The following ERI3 variants were observed in gnomAD, a reference collection of about 807,000 sequenced individuals.
The protein encoded by ERI3 is ERI1 exoribonuclease 3.
ERI3 carries 18 observed loss-of-function variants against 44.4 expected under a neutral mutation model. The observed-to-expected ratio is 0.41, with a 90% CI of 0.28 to 0.60. The LOEUF (loss-of-function observed/expected upper bound fraction) is 0.60, where lower values mean the gene tolerates loss of function less well. ERI3 is among the 20% of genes least tolerant of loss of function. The pLI, the probability that ERI3 is intolerant of heterozygous loss-of-function variation, is 0.36. For synonymous variants in ERI3, 183 were observed against 164.8 expected, an observed-to-expected ratio of 1.11 and a Z score of -0.84; for missense variants, 294 against 435.5, an observed-to-expected ratio of 0.68 and a Z score of 2.89.
At position 44,269,620 on chromosome 1, in the gene ERI3, C is replaced by G. The variant is rs151295447; in HGVS notation, c.831+15215G>C. On this transcript the variant is annotated intron_variant, in intron 7 of 8. Coordinates refer to ENST00000372257, the MANE Select transcript of ERI3 (RefSeq NM_024066.3). The stretch of plus-strand genomic sequence containing the variant: ...CACAGTGGTGTCACTCTCAAGAGAC[C>G]TGGAGTACAAGGCCAATCCCTATCC... 2.2e-4 allele frequency among the ~76,000 whole-genome samples: 33 copies of G among 152,314 alleles called. No individual in the cohort carries two copies. In the East Asian group the frequency reaches 6.4e-3, roughly 29 times the overall value.
In ERI3 at chr1:44,255,015, C is replaced by T. The variant is rs183954946; in HGVS notation, c.832-6977G>A. Among the ~76,000 whole-genome samples the T allele has an allele frequency of 5.0e-4, 76 of 152,148 alleles. 1 individual carries two copies. Among genetic ancestry groups the T allele is most frequent in the African/African-American group, 1.8e-3 (74 of 41,480 alleles). On this transcript the variant is annotated intron_variant, in intron 7 of 8. Coordinates refer to ENST00000372257, the MANE Select transcript of ERI3 (RefSeq NM_024066.3). ...TAACTTCTCTGTGTCTTGGTTTCCT[C>T]TTTGTAAAATGGGGGTTATAATAGT...
chr1:44,307,645 C>T (rs1052495665), intron 6 of ERI3, among the ~76,000 whole-genome samples: 3 of 152,136 alleles, frequency 2.0e-5, no homozygotes, highest in Non-Finnish European at 4.4e-5. Context: ...ATAACCGGGA[C>T]AGGATCAGGA....
At chr1:44,238,461 T>G (rs879270153) in intron 8 of ERI3, among the ~76,000 whole-genome samples, 3 of 152,042 alleles carry the variant, frequency 2.0e-5, no homozygotes, top group African/African-American at 4.8e-5. Flanking sequence ...CCTAAACCAA[T>G]CACCGGCTCC....
At chr1:44,293,724 G>A (rs1018683699) in intron 6 of ERI3, among the ~76,000 whole-genome samples, 3 of 152,186 alleles carry the variant, frequency 2.0e-5, no homozygotes, top group Admixed American at 1.3e-4. Flanking sequence ...TCGAAACTAG[G>A]TCTCTTCATT....
chr1:44,223,503 G>A (rs992070180), intron 8 of ERI3, among the ~76,000 whole-genome samples: 4 of 152,076 alleles, frequency 2.6e-5, no homozygotes, highest in African/African-American at 9.7e-5. Context: ...AATCCTTCCT[G>A]TCTCCGGTAC....
At chr1:44,293,942 C>T (rs1386766155) in intron 6 of ERI3, among the ~76,000 whole-genome samples, 2 of 152,206 alleles carry the variant, frequency 1.3e-5, no homozygotes, top group Non-Finnish European at 2.9e-5. Context: ...CCCAGCCGGG[C>T]AGAGAAAGCC....
chr1:44,285,886 G>C (rs928001820), intron 6 of ERI3, among the ~76,000 whole-genome samples: 1 of 152,214 alleles, frequency 6.6e-6, no homozygotes. Flanking sequence ...ACAGGCAATG[G>C]AGAGCCTCTG....
intron 4 of ERI3, 116 bp downstream of exon 4, chr1:44,319,512 C>T (rs1646156790): frequency 1.4e-5 from 10 of 691,538 alleles, no homozygotes; most frequent in Non-Finnish European, 2.6e-5. Context: ...GTCTAGTGTG[C>T]ACTTGCCTTA....
chr1:44,261,944 G>C (rs190413094), intron 7 of ERI3, among the ~76,000 whole-genome samples: 18 of 152,260 alleles, frequency 1.2e-4, no homozygotes, highest in Admixed American at 1.0e-3. Flanking sequence ...CCCTTTTCCT[G>C]CTCTTTCAGC....
chr1:44,315,498 A>T (rs944335651), intron 4 of ERI3, among the ~76,000 whole-genome samples: 1 of 151,876 alleles, frequency 6.6e-6, no homozygotes, highest in African/African-American at 2.4e-5. Flanking sequence ...ACTAAACCCA[A>T]CTCTCCCACC....
At position 44,257,831 on chromosome 1, in the gene ERI3, G is replaced by A. The variant is rs185170440; in HGVS notation, c.832-9793C>T. The stretch of plus-strand genomic sequence containing the variant: ...ATAGCTGACCAAACCCAACTCCCTG[G>A]GGCCATTCCTCCCCAATCCTCTCGC... On this transcript the variant is annotated intron_variant, in intron 7 of 8. Transcript: ENST00000372257. 1.1e-4 allele frequency among the ~76,000 whole-genome samples: 17 copies of A among 152,184 alleles called. No homozygotes were observed. In the East Asian group the frequency reaches 3.1e-3, roughly 28 times the overall value.
In ERI3 at chr1:44,228,044, G is replaced by C. The variant is rs1644087306; in HGVS notation, c.932-6404C>G. Reference sequence around the variant, plus strand: ...AAATTCCTGATATCCCCACCCCCCAGTTCCTTGTCTCAGACATGGCCTACA... The same window carrying C: ...AAATTCCTGATATCCCCACCCCCCACTTCCTTGTCTCAGACATGGCCTACA... On this transcript the variant is annotated intron_variant, in intron 8 of 8. Transcript: ENST00000372257. The surrounding 1 kb of genome is among the most constrained non-coding windows in gnomAD (Gnocchi z 4.3). Among the ~76,000 whole-genome samples, 1 of 151,304 alleles carries C rather than the reference G, an allele frequency of 6.6e-6. No homozygotes were observed. Among genetic ancestry groups the C allele is most frequent in the Admixed American group, 6.6e-5 (1 of 15,168 alleles).
In ERI3 at chr1:44,252,026, C is replaced by G. The variant is rs1644690514; in HGVS notation, c.832-3988G>C. Among the ~76,000 whole-genome samples the G allele has an allele frequency of 6.6e-6, 1 of 152,244 alleles. No individual in the cohort carries two copies. The highest frequency in any genetic ancestry group is 1.5e-5 in the Non-Finnish European group (1 of 68,044). On this transcript the variant is annotated intron_variant, in intron 7 of 8. Coordinates refer to ENST00000372257, the MANE Select transcript of ERI3 (RefSeq NM_024066.3). The surrounding 1 kb of genome is among the most constrained non-coding windows in gnomAD (Gnocchi z 4.7). ...CTTCCAAATCCTCTGGGTGCCACTTCTTTGGCTGCATCTCTCTCAGCCATC... is the reference window on the plus strand; with the variant it reads ...CTTCCAAATCCTCTGGGTGCCACTTGTTTGGCTGCATCTCTCTCAGCCATC...
intron 2 of ERI3, among the ~76,000 whole-genome samples, chr1:44,347,950 G>C (rs1646817317): frequency 6.6e-6 from 1 of 151,994 alleles, no homozygotes; most frequent in Non-Finnish European, 1.5e-5. Context: ...TAAAGCCTGA[G>C]AAACACTGAG....
intron 4 of ERI3, among the ~76,000 whole-genome samples, chr1:44,316,794 A>G (rs992064517): frequency 6.6e-6 from 1 of 152,184 alleles, no homozygotes; most frequent in Non-Finnish European, 1.5e-5. Flanking sequence ...CAACAACAAA[A>G]AGAAGACATG....
rs1406568845 is a variant in ERI3, at chr1:44,248,027, G to A, written c.843C>T (p.Phe281=). The A allele has an allele frequency of 3.1e-6, 5 of 1,611,216 alleles. No individual in the cohort carries two copies. Among genetic ancestry groups the A allele is most frequent in the South Asian group, 1.1e-5 (1 of 90,336 alleles). ...QWINLKKAYS[F]AMGCWPKNGL... ...CATTCTTGGGCCAGCAGCCCATGGC[G>A]AAGCTGTAAGCCTGGAAGACAGGAG... The change falls in exon 8 of 9, where the codon TTC becomes TTT. Residue 281 remains phenylalanine, a synonymous_variant. Transcript: ENST00000372257.
In ERI3 at chr1:44,354,992, C is replaced by T. The variant is rs1180515243; in HGVS notation, c.35G>A (p.Arg12Gln). The T allele has an allele frequency of 7.3e-7, 1 of 1,373,466 alleles. No individual in the cohort carries two copies. Among genetic ancestry groups the T allele is most frequent in the Middle Eastern group, 2.0e-4 (1 of 5,080 alleles). The allele number at this position is 1,373,466 out of a possible 1,614,324, so 85.1% of individuals were successfully genotyped here. ...ATASPAADGG[R>Q]GRPWEGGLVS... ...CAGCCCTCCTTCCCAGGGCCGCCCC[C>T]GCCCCCCGTCAGCAGCGGGAGAGGC... Residue 12 changes from arginine to glutamine, a missense_variant, in exon 1 of 9, where the codon CGG (arginine) becomes CAG (glutamine). Transcript: ENST00000372257.
intron 8 of ERI3, among the ~76,000 whole-genome samples, chr1:44,231,850 A>T (rs1644191900): frequency 6.6e-6 from 1 of 152,238 alleles, no homozygotes; most frequent in African/African-American, 2.4e-5. Context: ...AAGGCCTTCA[A>T]GGAAAATTTC....
chr1:44,337,474 G>C (rs1056498698), intron 3 of ERI3, among the ~76,000 whole-genome samples: 1 of 152,322 alleles, frequency 6.6e-6, no homozygotes, highest in African/African-American at 2.4e-5. Flanking sequence ...GTAGTTTGGG[G>C]AGGCATGGAA....
Sources: gnomAD v4.1 joint callset for allele counts (sites outside exome capture counted in the v4.1 genomes callset) on GRCh38, gnomAD v4.1.1 for gene constraint, Gnocchi (gnomAD v3.1) non-coding constraint, MANE v1.5 for transcripts, NCBI Gene and HGNC (gene_info 2026-07-23, HGNC 2026-07-21) for gene names.